CDC25B: variants seen among roughly 807,000 people sequenced by gnomAD.
The protein encoded by CDC25B is cell division cycle 25B, also known as M-phase inducer phosphatase 2.
In CDC25B, 33 loss-of-function variants were observed where a neutral mutation model predicts 69.8. The ratio of observed to expected loss-of-function variants is 0.47; its 90% CI spans 0.36 to 0.63. CDC25B has a LOEUF of 0.63. Among genes scored for constraint, CDC25B ranks in the 30% least tolerant of loss-of-function variants. The pLI is 0.00. For missense variants in CDC25B, 727 were observed against 809.1 expected, an observed-to-expected ratio of 0.90 and a Z score of 1.23; for synonymous variants, 341 against 314.6, an observed-to-expected ratio of 1.08 and a Z score of -0.89.
chr20:3,800,880 G>A lies in CDC25B; in HGVS notation c.582+15G>A, dbSNP rs2089256186. 1 of 1,613,458 alleles carries A rather than the reference G, an allele frequency of 6.2e-7. No homozygotes were observed. ...ACAAGGAGAATGTGCGCTTCTGGAA[G>A]GCCGGGGTGGGAGCTCTCCGGGAAG... is the stretch of plus-strand genomic sequence containing the variant. On this transcript the variant is annotated intron_variant, in intron 6 of 15. Coordinates refer to ENST00000245960, the MANE Select transcript of CDC25B (RefSeq NM_021873.4).
chr20:3,797,617 C>G lies in CDC25B; in HGVS notation c.201-5C>G. On this transcript the variant is annotated splice_region_variant and splice_polypyrimidine_tract_variant and intron_variant, in intron 1 of 15. Transcript: ENST00000245960. ...TCCTTTCCCGGGTCCCTGTTCCCTT[C>G]CCAGCGAAACCCCAAAGAGTCAGGT... 6.2e-7 allele frequency: 1 copy of G among 1,614,054 alleles called. No individual in the cohort carries two copies. Among genetic ancestry groups the G allele is most frequent in the Non-Finnish European group, 8.5e-7 (1 of 1,179,996 alleles).
chr20:3,805,978 G>A lies in CDC25B; in HGVS notation c.*1017G>A, dbSNP rs958380016. ...GGTTTGGAGCTATTCAAGAGGAAAT[G>A]TCACAGAAGCAGCTAAACCAAGGAC... On this transcript the variant is annotated 3_prime_UTR_variant, in exon 16 of 16. Transcript: ENST00000245960. 1 of 400,366 alleles carries A rather than the reference G, an allele frequency of 2.5e-6. No homozygotes were observed. The highest frequency in any genetic ancestry group is 4.4e-6 in the Non-Finnish European group (1 of 226,686). The allele number at this position is 400,366 out of a possible 1,614,324, so 24.8% of individuals were successfully genotyped here. A position where few individuals can be genotyped will look rare whatever the true frequency, so the allele number is the denominator to read the frequency against.
At position 3,788,142 on chromosome 20, in the gene CDC25B, A is replaced by AAAAGAAAGAAAGAAAGAAAG. The variant is rs57004606; in HGVS notation, c.8+1006_8+1025dup. Among the ~76,000 whole-genome samples, 150 of 150,088 alleles carry AAAAGAAAGAAAGAAAGAAAG rather than the reference A, an allele frequency of 1.0e-3. 1 individual carries two copies. The highest frequency in any genetic ancestry group is 3.6e-3 in the African/African-American group (146 of 40,538). On this transcript the variant is annotated intron_variant, in intron 1 of 15. Coordinates refer to the CDC25B transcript ENST00000344256. ...AAAGAGTGAGACTCCATCTCAAAAAAAAAGAAAGAAAGAAAGAAAGAACCA... is the reference window on the plus strand; with the variant it reads ...AAAGAGTGAGACTCCATCTCAAAAAAAAAGAAAGAAAGAAAGAAAGAAAGAAAGAAAGAAAGAAAGAACCA...
chr20:3,797,862 TG>T lies in CDC25B; in HGVS notation c.328+116del, dbSNP rs2146673705. 8.1e-6 allele frequency: 11 copies of T among 1,350,758 alleles called. No homozygotes were observed. In the South Asian group the frequency reaches 1.0e-4, roughly 12 times the overall value. The allele number at this position is 1,350,758 out of a possible 1,614,324, so 83.7% of individuals were successfully genotyped here. A position where few individuals can be genotyped will look rare whatever the true frequency, so the allele number is the denominator to read the frequency against. On this transcript the variant is annotated intron_variant, in intron 2 of 15. Coordinates refer to ENST00000245960, the MANE Select transcript of CDC25B (RefSeq NM_021873.4). ...AACTAACATCCTCCCCACAACCTGG[TG>T]GGCCCAGGAGCCTCTCCCCCACCCT...
At chr20:3,796,262 G>C, upstream of CDC25B, 4 of 1,323,416 alleles carry the variant, frequency 3.0e-6, no homozygotes, top group South Asian at 1.9e-5. Context: ...CGGCGCGGCT[G>C]CTGTTATTTT....
rs1332091750 is a variant in CDC25B, at chr20:3,796,451, C to T, written c.-81C>T. 4.1e-6 allele frequency: 4 copies of T among 983,900 alleles called. No individual in the cohort carries two copies. Among genetic ancestry groups the T allele is most frequent in the African/African-American group, 3.8e-5 (2 of 52,988 alleles). The allele number at this position is 983,900 out of a possible 1,614,324, so 60.9% of individuals were successfully genotyped here. ...CCCCCACCCCTCGCCCGCTGCCTCCCTCGGCCCAGCCAGCTGTGCCGGCGT... is the reference window on the plus strand; with the variant it reads ...CCCCCACCCCTCGCCCGCTGCCTCCTTCGGCCCAGCCAGCTGTGCCGGCGT... On this transcript the variant is annotated 5_prime_UTR_variant, in exon 1 of 16. Coordinates refer to ENST00000245960, the MANE Select transcript of CDC25B (RefSeq NM_021873.4).
intron 1 of CDC25B, among the ~76,000 whole-genome samples, chr20:3,790,580 G>C (rs2088899136): frequency 6.7e-6 from 1 of 150,048 alleles, no homozygotes; most frequent in South Asian, 2.2e-4. Flanking sequence ...CCAGCATTTT[G>C]GGAGGCCGAG....
In CDC25B at chr20:3,803,177, C is replaced by T; in HGVS notation, c.1327C>T (p.Pro443Ser). Residue 443 changes from proline to serine, a missense_variant, in exon 13 of 16, where the codon CCC (proline) becomes TCC (serine). Around this residue, in one of 2 missense-constraint regions of CDC25B, gnomAD observed 359 missense variants for 463.4 expected, o/e 0.77. Transcript: ENST00000245960. This position sits in a 1 kb window ranked among gnomAD's most constrained non-coding sequence, Gnocchi z 4.9. ...DKFVIVDCRYPYEYEGGHIKT... is the reference protein window; with the variant it reads ...DKFVIVDCRYSYEYEGGHIKT... ...GTTTGTGATTGTAGACTGCAGATAC[C>T]CCTATGAATATGAAGGCGGGCACAT... is the stretch of plus-strand genomic sequence containing the variant. 1 of 1,613,698 alleles carries T rather than the reference C, an allele frequency of 6.2e-7. No individual in the cohort carries two copies. Among genetic ancestry groups the T allele is most frequent in the Non-Finnish European group, 8.5e-7 (1 of 1,179,712 alleles).
upstream of CDC25B, among the ~76,000 whole-genome samples, chr20:3,792,227 T>C (rs994942898): frequency 6.7e-6 from 1 of 150,302 alleles, no homozygotes; most frequent in Non-Finnish European, 1.5e-5. Flanking sequence ...ACAATGTTCA[T>C]ATGCTGTTTG....
Position 3,796,360 on chromosome 20 carries a change from T to TC in CDC25B, c.-168dup, listed in dbSNP as rs1238280182. 3 of 817,522 alleles carry TC rather than the reference T, an allele frequency of 3.7e-6. No homozygotes were observed. The African/African-American group carries it at 1.1e-4, about 29-fold the overall frequency. The allele number at this position is 817,522 out of a possible 1,614,324, so 50.6% of individuals were successfully genotyped here. A position where few individuals can be genotyped will look rare whatever the true frequency, so the allele number is the denominator to read the frequency against. On this transcript the variant is annotated 5_prime_UTR_variant, in exon 1 of 16. Transcript: ENST00000245960. ...GCCCGGCGTCCCTCGCCCCCCGCCC[T>TC]CCCCGCATCCCTCTCCTCCCTCGCG...
chr20:3,796,668 C>T lies in CDC25B; in HGVS notation c.137C>T (p.Ala46Val), dbSNP rs1361496689. 1.3e-6 allele frequency: 2 copies of T among 1,511,000 alleles called. No homozygotes were observed. The highest frequency in any genetic ancestry group is 1.8e-6 in the Non-Finnish European group (2 of 1,139,732). The allele number at this position is 1,511,000 out of a possible 1,614,324, so 93.6% of individuals were successfully genotyped here. A position where few individuals can be genotyped will look rare whatever the true frequency, so the allele number is the denominator to read the frequency against. The change falls in exon 1 of 16, where the codon GCG (alanine) becomes GTG (valine). Residue 46 changes from alanine to valine, a missense_variant. Transcript: ENST00000245960. Reference protein sequence around the residue: ...SHGLLGSPVRAAASSPVTTLT... With the variant: ...SHGLLGSPVRVAASSPVTTLT... ...GGCCTCCTGGGGTCCCCGGTGCGGG[C>T]GGCCGCTTCCTCGCCGGTCACCACC...
In CDC25B at chr20:3,803,434, G is replaced by A. The variant is rs1439228793; in HGVS notation, c.1387G>A (p.Ala463Thr). 2.5e-6 allele frequency: 4 copies of A among 1,613,918 alleles called. No homozygotes were observed. Among genetic ancestry groups the A allele is most frequent in the Admixed American group, 1.7e-5 (1 of 59,984 alleles). The change falls in exon 14 of 16, where the codon GCC becomes ACC. Residue 463 changes from alanine to threonine, a missense_variant. By Grantham distance (58) the Ala-to-Thr change is moderately conservative. This residue lies in a region of CDC25B where 359 missense variants were observed against 463.4 expected (regional missense o/e 0.77). Transcript: ENST00000245960. The surrounding 1 kb of genome is among the most constrained non-coding windows in gnomAD (Gnocchi z 4.9). Reference protein sequence around the residue: ...TAVNLPLERDAESFLLKSPIA... With the variant: ...TAVNLPLERDTESFLLKSPIA... ...GGTGAACTTGCCCCTGGAACGCGAC[G>A]CCGAGAGCTTCCTACTGAAGAGCCC... is the stretch of plus-strand genomic sequence containing the variant.
At chr20:3,797,807 G>C in intron 2 of CDC25B, 58 bp downstream of exon 2, 1 of 1,595,586 alleles carries the variant, frequency 6.3e-7, no homozygotes, top group Non-Finnish European at 8.5e-7. Context: ...TGTGGGGGCT[G>C]CCTGGGCCTC....
In CDC25B at chr20:3,800,273, C is replaced by T. The variant is rs372982187; in HGVS notation, c.381-15C>T. On this transcript the variant is annotated splice_polypyrimidine_tract_variant and intron_variant, in intron 3 of 15. Transcript: ENST00000245960. ...GGAGGGAGCATGGGTTGCATGGGAC[C>T]CTTCTCTGTCCTAGGTTTGAACAGG... 1.3e-5 allele frequency: 21 copies of T among 1,613,542 alleles called. No homozygotes were observed. Among genetic ancestry groups the T allele is most frequent in the Non-Finnish European group, 1.7e-5 (20 of 1,179,808 alleles).
rs1343139572 is a variant in CDC25B, at chr20:3,801,717, C to T, written c.841-5C>T. ...GTGACCCTGTCCTTGCTAATCTGGC[C>T]TCAGGATGATGATGCAGTTCCCCCA... is the stretch of plus-strand genomic sequence containing the variant. On this transcript the variant is annotated splice_polypyrimidine_tract_variant and splice_region_variant and intron_variant, in intron 8 of 15. Transcript: ENST00000245960. 3 of 1,593,410 alleles carry T rather than the reference C, an allele frequency of 1.9e-6. No individual in the cohort carries two copies. The highest frequency in any genetic ancestry group is 1.3e-5 in the African/African-American group (1 of 74,160).
intron 1 of CDC25B, among the ~76,000 whole-genome samples, chr20:3,789,042 G>A (rs960463539): frequency 1.3e-5 from 2 of 152,142 alleles, no homozygotes. Flanking sequence ...AGCAGTGCAC[G>A]GGGCCCATTT....
upstream of CDC25B, among the ~76,000 whole-genome samples, chr20:3,793,951 G>A (rs1248568971): frequency 2.0e-5 from 3 of 148,796 alleles, no homozygotes; most frequent in African/African-American, 7.5e-5. Flanking sequence ...TGGCTGCATA[G>A]TATTCCATGG....
upstream of CDC25B, among the ~76,000 whole-genome samples, chr20:3,794,617 G>A (rs1361365015): frequency 2.6e-5 from 4 of 152,132 alleles, no homozygotes; most frequent in Non-Finnish European, 5.9e-5. Flanking sequence ...GTAGTGGCTG[G>A]AGGTCCAGGG....
chr20:3,797,449 CTG>C (rs1479550454), intron 1 of CDC25B, among the ~76,000 whole-genome samples, 171 bp from the exon 2 acceptor site: 2 of 152,272 alleles, frequency 1.3e-5, no homozygotes, highest in Non-Finnish European at 2.9e-5. Context: ...TTTAGGGCCT[CTG>C]TAGAATGAAC....
Sources: allele counts gnomAD v4.1 joint callset (sites outside exome capture counted in the v4.1 genomes callset), GRCh38; gene constraint gnomAD v4.1.1; regional missense constraint gnomAD v4.1.1; non-coding constraint Gnocchi (gnomAD v3.1); transcripts MANE v1.5; gene names NCBI Gene and HGNC (gene_info 2026-07-23, HGNC 2026-07-21).